CREBBP: variants seen among roughly 807,000 people sequenced by gnomAD.
CREBBP encodes the protein CREB-binding protein.
CREBBP carries 19 observed loss-of-function variants against 265.0 expected under a neutral mutation model. That is an observed-to-expected ratio of 0.07 (90% CI 0.05 to 0.11). The LOEUF (loss-of-function observed/expected upper bound fraction) is 0.11. Among genes scored for constraint, CREBBP ranks in the 10% least tolerant of loss-of-function variants. The pLI, the probability that CREBBP is intolerant of heterozygous loss-of-function variation, is 1.00. For synonymous variants in CREBBP, 1,457 were observed against 1,223.7 expected, an observed-to-expected ratio of 1.19 and a Z score of -3.98; for missense variants, 2,525 against 3,219.0, an observed-to-expected ratio of 0.78 and a Z score of 5.22.
intron 6 of CREBBP, among the ~76,000 whole-genome samples, chr16:3,782,229 G>A (rs1233694033): frequency 2.0e-5 from 3 of 152,206 alleles, no homozygotes; most frequent in African/African-American, 4.8e-5. Context: ...TGAGCCAAGA[G>A]TTTCCAGGAC....
At chr16:3,879,030 T>A (rs111670430) in intron 1 of CREBBP, among the ~76,000 whole-genome samples, 1 of 151,960 alleles carries the variant, frequency 6.6e-6, no homozygotes, top group African/African-American at 2.4e-5. Context: ...CCTACATTCC[T>A]TAATTCTTTG....
At chr16:3,785,096 ATACT>A (rs1316152749) in intron 5 of CREBBP, among the ~76,000 whole-genome samples, 1 of 152,210 alleles carries the variant, frequency 6.6e-6, no homozygotes, top group Non-Finnish European at 1.5e-5. Flanking sequence ...AATGACACAA[ATACT>A]GAAGGGTAAG....
At chr16:3,753,121 G>A (rs2052512026) in intron 19 of CREBBP, among the ~76,000 whole-genome samples, 1 of 152,204 alleles carries the variant, frequency 6.6e-6, no homozygotes. Context: ...AAAACAGTGC[G>A]ACAGGACTCG....
At position 3,736,677 on chromosome 16, in the gene CREBBP, A is replaced by G. The variant is rs1596805619; in HGVS notation, c.4533T>C (p.Phe1511=). The G allele has an allele frequency of 1.9e-6, 3 of 1,614,236 alleles. No individual in the cohort carries two copies. Among genetic ancestry groups the G allele is most frequent in the Non-Finnish European group, 2.5e-6 (3 of 1,180,052 alleles). The stretch of plus-strand genomic sequence containing the variant: ...TGTAGTCATGGATGATCCGCTCTGC[A>G]AACGCCTTGTCCAGCATCTTTTTGT... The part of the protein sequence containing the change: ...EWYKKMLDKA[F]AERIIHDYKD... Residue 1511 remains phenylalanine, a synonymous_variant, in exon 27 of 31, where the codon TTT becomes TTC. Transcript: ENST00000262367.
intron 12 of CREBBP, 40 bp downstream of exon 12, chr16:3,774,529 A>T: frequency 1.9e-6 from 3 of 1,613,200 alleles, no homozygotes; most frequent in Non-Finnish European, 2.5e-6. Context: ...TCCATGTGAG[A>T]GGGAGGGCTA....
At chr16:3,788,142 A>G (rs905607792) in intron 5 of CREBBP, among the ~76,000 whole-genome samples, 4 of 152,272 alleles carry the variant, frequency 2.6e-5, no homozygotes, top group Admixed American at 2.6e-4. Context: ...GACCCTGCAC[A>G]CTTGCTTCAA....
At chr16:3,820,097 G>A (rs563368497) in intron 2 of CREBBP, among the ~76,000 whole-genome samples, 1 of 152,306 alleles carries the variant, frequency 6.6e-6, no homozygotes, top group South Asian at 2.1e-4. Context: ...TGAATAGCCA[G>A]AAATATTTAT....
At chr16:3,788,899 A>C (rs62037859) in intron 5 of CREBBP, among the ~76,000 whole-genome samples, 28,448 of 152,170 alleles carry the variant, frequency 0.19, 3,389 homozygotes, top group South Asian at 0.31. Context: ...CTGCAGTGAG[A>C]CTTGGCTATG....
At chr16:3,738,410 G>A in intron 26 of CREBBP, 149 bp downstream of exon 26, 4 of 648,172 alleles carry the variant, frequency 6.2e-6, no homozygotes, top group Non-Finnish European at 8.2e-6. Flanking sequence ...GGGAGCACCT[G>A]GAAAGAGGAG....
Position 3,727,602 on chromosome 16 carries a change from C to G in CREBBP, c.*116G>C. The G allele has an allele frequency of 6.5e-7, 1 of 1,542,346 alleles. No individual in the cohort carries two copies. The highest frequency in any genetic ancestry group is 8.8e-7 in the Non-Finnish European group (1 of 1,130,298). On this transcript the variant is annotated 3_prime_UTR_variant, in exon 31 of 31. Transcript: ENST00000262367. Reference sequence around the variant, plus strand: ...ATTGTTTCTTTAAACATCAATCCACCCTTCCATGGCTCGGAAGTCGCAGTT... The same window carrying G: ...ATTGTTTCTTTAAACATCAATCCACGCTTCCATGGCTCGGAAGTCGCAGTT...
At position 3,781,189 on chromosome 16, in the gene CREBBP, G is replaced by T; in HGVS notation, c.1676+15C>A. ...TCCTGTTGGACTGTCACTCAGATCTGAAACAGGGTCTTACTTTGTGGCCCC... is the reference window on the plus strand; with the variant it reads ...TCCTGTTGGACTGTCACTCAGATCTTAAACAGGGTCTTACTTTGTGGCCCC... On this transcript the variant is annotated intron_variant, in intron 7 of 30. Coordinates refer to ENST00000262367, the MANE Select transcript of CREBBP (RefSeq NM_004380.3). 6.2e-7 allele frequency: 1 copy of T among 1,607,306 alleles called. No individual in the cohort carries two copies. Among genetic ancestry groups the T allele is most frequent in the Non-Finnish European group, 8.5e-7 (1 of 1,173,892 alleles).
intron 21 of CREBBP, among the ~76,000 whole-genome samples, chr16:3,748,910 C>T (rs1567280480): frequency 6.6e-6 from 1 of 152,198 alleles, no homozygotes; most frequent in Non-Finnish European, 1.5e-5. Context: ...CTTTGGGAGG[C>T]CGAGACAGGC....
chr16:3,810,551 G>A, intron 3 of CREBBP, 52 bp downstream of exon 3: 6 of 1,597,502 alleles, frequency 3.8e-6, no homozygotes, highest in Non-Finnish European at 5.1e-6. Flanking sequence ...AAAATCCACA[G>A]ACCACAGCAC....
intron 11 of CREBBP, 87 bp from the exon 12 acceptor site, chr16:3,774,780 T>C (rs1278894132): frequency 3.2e-5 from 50 of 1,547,978 alleles, no homozygotes; most frequent in Non-Finnish European, 3.7e-5. Flanking sequence ...TTAAGTAAAA[T>C]AAGATGGAAC....
At chr16:3,780,161 G>A (rs2053239473) in intron 8 of CREBBP, among the ~76,000 whole-genome samples, 1 of 148,304 alleles carries the variant, frequency 6.7e-6, no homozygotes, top group African/African-American at 2.5e-5. Flanking sequence ...AGAATCACTT[G>A]AACCTGGGAG....
intron 3 of CREBBP, among the ~76,000 whole-genome samples, chr16:3,810,276 C>T (rs1034123699): frequency 6.6e-6 from 1 of 152,170 alleles, no homozygotes; most frequent in African/African-American, 2.4e-5. Context: ...AAGCCACTAA[C>T]AAACAGGAAG....
chr16:3,820,312 T>C (rs147777151), intron 2 of CREBBP, among the ~76,000 whole-genome samples: 6 of 152,268 alleles, frequency 3.9e-5, no homozygotes, highest in East Asian at 1.9e-4. Flanking sequence ...TTGGTAAATA[T>C]AGAGTAAGGA....
At chr16:3,814,646 CA>C (rs984085194) in intron 2 of CREBBP, among the ~76,000 whole-genome samples, 1 of 152,030 alleles carries the variant, frequency 6.6e-6, no homozygotes, top group Non-Finnish European at 1.5e-5. Context: ...TCTTCTTGGC[CA>C]TCAGATAAGA....
At chr16:3,852,482 T>C (rs183998999) in intron 1 of CREBBP, among the ~76,000 whole-genome samples, 5 of 152,192 alleles carry the variant, frequency 3.3e-5, no homozygotes, top group African/African-American at 1.2e-4. Context: ...ATTACATTAT[T>C]TAAAAGTTAA....
Sources: allele counts gnomAD v4.1 joint callset (sites outside exome capture counted in the v4.1 genomes callset), GRCh38; gene constraint gnomAD v4.1.1; transcripts MANE v1.5; gene names NCBI Gene and HGNC (gene_info 2026-07-23, HGNC 2026-07-21).